Variants in DHX29 observed in about 807,000 individuals in gnomAD.
DHX29 encodes DExH-box helicase 29.
A neutral mutation model predicts 167.9 loss-of-function variants in DHX29; 79 were observed. That is an observed-to-expected ratio of 0.47 (90% CI 0.39 to 0.57). The LOEUF is 0.57. Ranked by LOEUF, DHX29 falls within the 20% of genes least tolerant of loss-of-function variation. DHX29 has a pLI of 0.00. For synonymous variants in DHX29, 530 were observed against 546.0 expected (o/e 0.97, Z 0.41); for missense variants, 1,347 against 1,593.4 (o/e 0.85, Z 2.63).
chr5:55,268,393 TAA>T (rs993078844), intron 21 of DHX29, among the ~76,000 whole-genome samples: 2 of 152,180 alleles, frequency 1.3e-5, no homozygotes, highest in African/African-American at 4.8e-5. Context: ...ACTATAGTAA[TAA>T]GTCACATTTT....
chr5:55,283,723 AT>A lies in DHX29; in HGVS notation c.1444del (p.Met482TrpfsTer15). 6.2e-7 allele frequency: 1 copy of A among 1,613,786 alleles called. No individual in the cohort carries two copies. The highest frequency in any genetic ancestry group is 8.5e-7 in the Non-Finnish European group (1 of 1,179,940). On this transcript the variant is annotated frameshift_variant, in exon 11 of 27. Transcript: ENST00000251636. LOFTEE classifies it high-confidence loss of function. ...AAGATCACGTGGTTTATTGGTTTCC[AT>A]TTTATTTAATTCTTCCCTTTTCTTT... ...AEKKREELNKMETNKPRDLFI... is the reference protein window; with the variant it reads ...AEKKREELNKXETNKPRDLFI...
chr5:55,265,094 G>A (rs199592280), intron 23 of DHX29, among the ~76,000 whole-genome samples: 56 of 136,312 alleles, frequency 4.1e-4, no homozygotes, highest in East Asian at 6.5e-4. Context: ...AAAGAAAAAA[G>A]AAAAAAAAAA....
At chr5:55,289,669 A>T (rs561978418) in intron 7 of DHX29, among the ~76,000 whole-genome samples, 2 of 152,272 alleles carry the variant, frequency 1.3e-5, no homozygotes, top group South Asian at 4.1e-4. Context: ...ATATACAAAA[A>T]TTTTAAAATA....
chr5:55,256,582 T>C (rs1261059320), intron 26 of DHX29, 42 bp from the exon 27 acceptor site: 2 of 1,560,106 alleles, frequency 1.3e-6, no homozygotes, highest in Non-Finnish European at 8.6e-7. Flanking sequence ...AAATGCAACA[T>C]TGTCTAATTT....
In DHX29 at chr5:55,295,543, AT is replaced by A; in HGVS notation, c.506-20del. ...AGTGCATCTTAAAATAAAAGAAACT[AT>A]GCTGAAAATAAACAGGCATATGATA... is the stretch of plus-strand genomic sequence containing the variant. On this transcript the variant is annotated intron_variant, in intron 4 of 26. Coordinates refer to ENST00000251636, the MANE Select transcript of DHX29 (RefSeq NM_019030.4). 3 of 1,606,336 alleles carry A rather than the reference AT, an allele frequency of 1.9e-6. No individual in the cohort carries two copies. Among genetic ancestry groups the A allele is most frequent in the Non-Finnish European group, 2.5e-6 (3 of 1,177,818 alleles).
At chr5:55,291,384 T>A (rs1337353526) in intron 6 of DHX29, among the ~76,000 whole-genome samples, 1 of 152,184 alleles carries the variant, frequency 6.6e-6, no homozygotes, top group East Asian at 1.9e-4. Context: ...CAAATATCAA[T>A]ACAGTGTAAC....
chr5:55,303,109 T>TAA (rs70992778), intron 1 of DHX29, among the ~76,000 whole-genome samples: 12 of 147,074 alleles, frequency 8.2e-5, no homozygotes, highest in African/African-American at 2.5e-4. Flanking sequence ...CTCAGCTAAT[T>TAA]AAAAAAAAAA....
chr5:55,277,339 A>G, intron 12 of DHX29, 57 bp from the exon 13 acceptor site: 1 of 1,190,210 alleles, frequency 8.4e-7, no homozygotes, highest in South Asian at 1.6e-5. Flanking sequence ...TTCTAGTAAG[A>G]GGCTTGAACA....
At chr5:55,289,475 T>A in intron 7 of DHX29, 47 bp from the exon 8 acceptor site, 2 of 1,396,386 alleles carry the variant, frequency 1.4e-6, no homozygotes, top group Non-Finnish European at 1.9e-6. Context: ...TTTAAAAAAA[T>A]TGTTATTTTT....
Position 55,256,311 on chromosome 5 carries a change from A to G in DHX29, c.*177T>C. 1 of 451,302 alleles carries G rather than the reference A, an allele frequency of 2.2e-6. No individual in the cohort carries two copies. Among genetic ancestry groups the G allele is most frequent in the Non-Finnish European group, 3.9e-6 (1 of 258,358 alleles). The allele number at this position is 451,302 out of a possible 1,614,324, so 28.0% of individuals were successfully genotyped here. On this transcript the variant is annotated 3_prime_UTR_variant, in exon 27 of 27. Transcript: ENST00000251636. ...ACATTCAGAATAATCATCATTAAAA[A>G]GGAACTAGAAAATTATACATGTTTA...
intron 1 of DHX29, among the ~76,000 whole-genome samples, chr5:55,300,476 C>G (rs1748544292): frequency 6.6e-6 from 1 of 152,120 alleles, no homozygotes; most frequent in Non-Finnish European, 1.5e-5. Context: ...AGTTTGAGAC[C>G]AGCCTGGCCA....
Position 55,272,114 on chromosome 5 carries a change from A to G in DHX29, c.2837T>C (p.Ile946Thr). The change falls in exon 18 of 27, where the codon ATT (isoleucine) becomes ACT (threonine). Residue 946 changes from isoleucine to threonine, a missense_variant. Ile to Thr is a moderately conservative substitution (Grantham distance 89). Coordinates refer to ENST00000251636, the MANE Select transcript of DHX29 (RefSeq NM_019030.4). The part of the protein sequence containing the change: ...GITIPDVVFV[I>T]DTGRTKENKY... ...ATTTTCTTTTGTTCTTCCAGTATCA[A>G]TTACAAATACAACATCAGGAATAGT... 6.3e-7 allele frequency: 1 copy of G among 1,583,568 alleles called. No individual in the cohort carries two copies. Among genetic ancestry groups the G allele is most frequent in the Non-Finnish European group, 8.6e-7 (1 of 1,166,452 alleles).
chr5:55,271,239 T>C (rs1171591961), intron 18 of DHX29, among the ~76,000 whole-genome samples: 1 of 152,266 alleles, frequency 6.6e-6, no homozygotes, highest in Non-Finnish European at 1.5e-5. Flanking sequence ...ATTTATTCAA[T>C]ATAAACATTA....
chr5:55,294,125 AT>A lies in DHX29; in HGVS notation c.671del (p.Asn224IlefsTer4), dbSNP rs751586851. On this transcript the variant is annotated frameshift_variant, in exon 6 of 27. Transcript: ENST00000251636. LOFTEE classifies it high-confidence loss of function. ...TCCACTCTTTCATATTTACTTCCAT[AT>A]TTTTTTCTTCCTTTTTTGGCTAGAA... ...PKSKPKKEEK[N>X]MEVNMKEWIL... 2.5e-6 allele frequency: 4 copies of A among 1,592,862 alleles called. No homozygotes were observed. Among genetic ancestry groups the A allele is most frequent in the South Asian group, 1.1e-5 (1 of 88,038 alleles).
At chr5:55,275,379 T>C (rs1030445429) in intron 14 of DHX29, among the ~76,000 whole-genome samples, 2 of 152,196 alleles carry the variant, frequency 1.3e-5, no homozygotes, top group African/African-American at 4.8e-5. Flanking sequence ...TGTACCTGGC[T>C]CATTCCTTCT....
At chr5:55,306,040 A>G (rs1748841804) in intron 1 of DHX29, among the ~76,000 whole-genome samples, 1 of 152,246 alleles carries the variant, frequency 6.6e-6, no homozygotes, top group Non-Finnish European at 1.5e-5. Flanking sequence ...GAATGTCAGT[A>G]AAAGACAAAG....
At chr5:55,292,318 T>A (rs577905371) in intron 6 of DHX29, among the ~76,000 whole-genome samples, 1 of 152,332 alleles carries the variant, frequency 6.6e-6, no homozygotes, top group South Asian at 2.1e-4. Flanking sequence ...GATTTGTGTA[T>A]CTTCTCTGAA....
At position 55,267,189 on chromosome 5, in the gene DHX29, G is replaced by C; in HGVS notation, c.3474C>G (p.Ile1158Met). Residue 1158 changes from isoleucine to methionine, a missense_variant, in exon 23 of 27, where the codon ATC (isoleucine) becomes ATG (methionine). By Grantham distance (10) the Ile-to-Met change is conservative (BLOSUM62 1). Transcript: ENST00000251636. The stretch of plus-strand genomic sequence containing the variant: ...TAAGAAAGTTCCTCCGGCAGTATGT[G>C]ATTTCAGAACGATAACCTCCTTCTT... Reference protein sequence around the residue: ...ARQEGGYRSEITYCRRNFLNR... With the variant: ...ARQEGGYRSEMTYCRRNFLNR... 1 of 1,613,078 alleles carries C rather than the reference G, an allele frequency of 6.2e-7. No homozygotes were observed. Among genetic ancestry groups the C allele is most frequent in the Non-Finnish European group, 8.5e-7 (1 of 1,179,470 alleles).
Position 55,294,112 on chromosome 5 carries a change from T to C in DHX29, c.685A>G (p.Met229Val). 6 of 1,599,200 alleles carry C rather than the reference T, an allele frequency of 3.8e-6. No individual in the cohort carries two copies. The highest frequency in any genetic ancestry group is 5.1e-6 in the Non-Finnish European group (6 of 1,174,544). ...KKEEKNMEVNMKEWILRYAEQ... is the reference protein window; with the variant it reads ...KKEEKNMEVNVKEWILRYAEQ... The stretch of plus-strand genomic sequence containing the variant: ...GCATATCGTAAAATCCACTCTTTCA[T>C]ATTTACTTCCATATTTTTTTCTTCC... Residue 229 changes from methionine (M) to valine (V), a missense_variant, in exon 6 of 27, where the codon ATG becomes GTG. Met to Val is a conservative substitution (Grantham distance 21). Around this residue, in one of 3 missense-constraint regions of DHX29, gnomAD observed 405 missense variants for 416.8 expected, o/e 0.97. Transcript: ENST00000251636.
Sources: gnomAD v4.1 joint callset for allele counts (sites outside exome capture counted in the v4.1 genomes callset) on GRCh38, gnomAD v4.1.1 for gene constraint, gnomAD v4.1.1 regional missense constraint, MANE v1.5 for transcripts, NCBI Gene and HGNC (gene_info 2026-07-23, HGNC 2026-07-21) for gene names.